Variants in MGST1 observed in about 807,000 individuals in gnomAD.
MGST1 encodes the protein microsomal glutathione S-transferase 1.
A neutral mutation model predicts 8.9 loss-of-function variants in MGST1; 5 were observed. The observed-to-expected ratio is 0.56, with a 90% CI of 0.29 to 1.19. MGST1 has a LOEUF of 1.19. Among genes scored for constraint, MGST1 ranks in the 50% most tolerant of loss-of-function variants. The pLI, the probability that MGST1 is intolerant of heterozygous loss-of-function variation, is 0.08. For missense variants in MGST1, 182 were observed against 187.4 expected (o/e 0.97, Z 0.17); for synonymous variants, 54 against 67.8 (o/e 0.80, Z 1.00).
chr12:16,496,927 A>T (rs1462432844), intron 4 of MGST1, among the ~76,000 whole-genome samples: 1 of 152,150 alleles, frequency 6.6e-6, no homozygotes, highest in African/African-American at 2.4e-5. Context: ...ACCTTTTACA[A>T]AATTTGCATA....
rs1483368575 is a variant in MGST1 at position 16,544,356 on chromosome 12, GT to G, written n.483-45170del. 1.3e-5 allele frequency among the ~76,000 whole-genome samples: 2 copies of G among 151,752 alleles called. No individual in the cohort carries two copies. The highest frequency in any genetic ancestry group is 4.8e-5 in the African/African-American group (2 of 41,314). ...TGTACTCAAAAGGGGAAGAGTTAATGTTAATGCATACAAAAGAGTTGTCATA... is the reference window on the plus strand; with the variant it reads ...TGTACTCAAAAGGGGAAGAGTTAATGTAATGCATACAAAAGAGTTGTCATA... On this transcript the variant is annotated intron_variant and non_coding_transcript_variant, in intron 4 of 4. Transcript: ENST00000538857. The surrounding 1 kb of genome is among the most constrained non-coding windows in gnomAD (Gnocchi z 4.8).
chr12:16,379,884 A>G (rs1381333198), downstream of MGST1, among the ~76,000 whole-genome samples: 17 of 152,254 alleles, frequency 1.1e-4, no homozygotes, highest in East Asian at 2.9e-3. Flanking sequence ...GGGAGGATGT[A>G]TGTGTCAAGG....
At chr12:16,566,236 A>G (rs987106758) in intron 4 of MGST1, among the ~76,000 whole-genome samples, 1 of 151,238 alleles carries the variant, frequency 6.6e-6, no homozygotes, top group African/African-American at 2.4e-5. Context: ...ATTACCAGAG[A>G]CTGGGAAAGG....
At chr12:16,431,104 C>A (rs531869130) in intron 1 of MGST1, among the ~76,000 whole-genome samples, 1 of 152,310 alleles carries the variant, frequency 6.6e-6, no homozygotes, top group South Asian at 2.1e-4. Flanking sequence ...TAGCTTCCAA[C>A]TTTTCTTCTG....
intron 1 of MGST1, among the ~76,000 whole-genome samples, chr12:16,412,112 G>A (rs1313378896): frequency 2.0e-5 from 3 of 152,152 alleles, no homozygotes; most frequent in African/African-American, 7.2e-5. Context: ...TTGCAGTGTG[G>A]ACATTGAGGC....
At chr12:16,589,871 T>A (rs565883590), downstream of MGST1, among the ~76,000 whole-genome samples, 2 of 152,052 alleles carry the variant, frequency 1.3e-5, no homozygotes, top group East Asian at 3.9e-4. The surrounding 1 kb of genome is among the most constrained non-coding windows in gnomAD (Gnocchi z 4.2). Flanking sequence ...CAGACCACAG[T>A]AGGAATTAAG....
Position 16,401,817 on chromosome 12 carries a change from A to C in MGST1, n.778+18213A>C, listed in dbSNP as rs1565447714. ...CTCATCTGCATCAACTATTTCCATG[A>C]CTCTTTCCTTGAAGAATTTGTTGAA... On this transcript the variant is annotated intron_variant and non_coding_transcript_variant, in intron 1 of 1. Transcript: ENST00000359720. The surrounding 1 kb of genome is among the most constrained non-coding windows in gnomAD (Gnocchi z 4.3). The C allele has an allele frequency of 3.1e-6, 5 of 1,604,258 alleles. No individual in the cohort carries two copies. The East Asian group carries it at 1.1e-4, about 36-fold the overall frequency.
chr12:16,541,761 A>G (rs905734096), intron 4 of MGST1, among the ~76,000 whole-genome samples: 4 of 152,162 alleles, frequency 2.6e-5, no homozygotes, highest in Non-Finnish European at 5.9e-5. Context: ...GGGCTTTTAT[A>G]ATGGACTCTG....
chr12:16,355,344 G>A (rs11056903), intron 2 of MGST1, among the ~76,000 whole-genome samples: 2 of 151,998 alleles, frequency 1.3e-5, no homozygotes, highest in East Asian at 3.9e-4. Flanking sequence ...AAGTAGCTGA[G>A]ATTATAGGCA....
chr12:16,453,160 G>A (rs1941143299), intron 4 of MGST1, among the ~76,000 whole-genome samples: 1 of 151,928 alleles, frequency 6.6e-6, no homozygotes. Flanking sequence ...GGAAAACTTT[G>A]ACTTTTCCTA....
At chr12:16,569,025 A>T (rs1942718277) in intron 4 of MGST1, among the ~76,000 whole-genome samples, 1 of 152,208 alleles carries the variant, frequency 6.6e-6, no homozygotes, top group Non-Finnish European at 1.5e-5. Flanking sequence ...GAAATAGATG[A>T]CAATGCCCCA....
chr12:16,457,418 G>A (rs1591734596), intron 4 of MGST1, among the ~76,000 whole-genome samples: 1 of 151,918 alleles, frequency 6.6e-6, no homozygotes, highest in African/African-American at 2.4e-5. Flanking sequence ...TTATAATTCA[G>A]CAAAGTGCTT....
rs140330808 is a variant in MGST1 at position 16,541,699 on chromosome 12, C to T, written n.483-47829C>T. The stretch of plus-strand genomic sequence containing the variant: ...TTTTTTTTCAAGGATTATGGTTTCT[C>T]ATGTGATAGGAGAGAGCCAGATTGG... On this transcript the variant is annotated intron_variant and non_coding_transcript_variant, in intron 4 of 4. Coordinates refer to the MGST1 transcript ENST00000538857. Among the ~76,000 whole-genome samples the T allele has an allele frequency of 7.9e-5, 12 of 151,994 alleles. 1 individual carries two copies. In the East Asian group the frequency reaches 2.3e-3, roughly 29 times the overall value.
At chr12:16,422,724 G>A (rs868161173) in intron 1 of MGST1, among the ~76,000 whole-genome samples, 1 of 152,038 alleles carries the variant, frequency 6.6e-6, no homozygotes, top group South Asian at 2.1e-4. Flanking sequence ...TTTCCTACTG[G>A]ATACAAGATC....
intron 1 of MGST1, chr12:16,399,806 A>G (rs1940638207): frequency 9.1e-6 from 11 of 1,203,388 alleles, no homozygotes; most frequent in African/African-American, 3.0e-5. Flanking sequence ...AGAGGCTACA[A>G]GAATGGCATT....
At chr12:16,424,632 A>G (rs927220644) in intron 1 of MGST1, among the ~76,000 whole-genome samples, 4 of 152,152 alleles carry the variant, frequency 2.6e-5, no homozygotes, top group Admixed American at 6.5e-5. Flanking sequence ...TTTTTATTCC[A>G]AAGCCTAATT....
rs530312367 is a variant in MGST1, at chr12:16,496,104, A to G, written n.483-93424A>G. On this transcript the variant is annotated intron_variant and non_coding_transcript_variant, in intron 4 of 4. Transcript: ENST00000538857. Reference sequence around the variant, plus strand: ...AAAGCTGTCTGTCATACTTAGCCAAATCAAATATATACTCACGTCCAGCCC... The same window carrying G: ...AAAGCTGTCTGTCATACTTAGCCAAGTCAAATATATACTCACGTCCAGCCC... Among the ~76,000 whole-genome samples, 6 of 152,260 alleles carry G rather than the reference A, an allele frequency of 3.9e-5. No homozygotes were observed. In the East Asian group the frequency reaches 1.2e-3, roughly 29 times the overall value.
At chr12:16,578,953 G>T (rs1038498240) in intron 4 of MGST1, among the ~76,000 whole-genome samples, 12 of 152,174 alleles carry the variant, frequency 7.9e-5, no homozygotes, top group Admixed American at 6.5e-4. Context: ...AAAAGAAAAA[G>T]TTCTTTATTC....
At position 16,503,599 on chromosome 12, in the gene MGST1, A is replaced by G. The variant is rs1320544482; in HGVS notation, n.483-85929A>G. ...TGTACATCCTCTTTAGACAGGAGGC[A>G]GGACTTAATTCTGGAGGTAGGGCTT... On this transcript the variant is annotated intron_variant and non_coding_transcript_variant, in intron 4 of 4. Coordinates refer to the MGST1 transcript ENST00000538857. The surrounding 1 kb of genome is among the most constrained non-coding windows in gnomAD (Gnocchi z 4.8). Among the ~76,000 whole-genome samples the G allele has an allele frequency of 6.6e-6, 1 of 152,146 alleles. No homozygotes were observed. Among genetic ancestry groups the G allele is most frequent in the Non-Finnish European group, 1.5e-5 (1 of 68,028 alleles).
Sources: gnomAD v4.1 joint callset for allele counts (sites outside exome capture counted in the v4.1 genomes callset) on GRCh38, gnomAD v4.1.1 for gene constraint, Gnocchi (gnomAD v3.1) non-coding constraint, MANE v1.5 for transcripts, NCBI Gene and HGNC (gene_info 2026-07-23, HGNC 2026-07-21) for gene names.